Variants in ST6GALNAC1 observed in about 807,000 individuals in gnomAD.
ST6GALNAC1 encodes alpha-N-acetylgalactosaminide alpha-2,6-sialyltransferase 1.
Under a neutral mutation model 56.8 loss-of-function variants are expected in ST6GALNAC1, and 45 were observed. That is an observed-to-expected ratio of 0.79 (90% CI 0.62 to 1.02). ST6GALNAC1 has a LOEUF of 1.02. Among genes scored for constraint, ST6GALNAC1 ranks in the 50% least tolerant of loss-of-function variants. The pLI, the probability that ST6GALNAC1 is intolerant of heterozygous loss-of-function variation, is 0.00. For synonymous variants in ST6GALNAC1, 295 were observed against 297.8 expected (o/e 0.99, Z 0.10); for missense variants, 743 against 754.8 (o/e 0.98, Z 0.18).
Position 76,625,747 on chromosome 17 carries a change from A to G in ST6GALNAC1, c.1605+72T>C, listed in dbSNP as rs576130406. 7.5e-6 allele frequency: 10 copies of G among 1,337,616 alleles called. No homozygotes were observed. In the African/African-American group the frequency reaches 1.2e-4, roughly 16 times the overall value. 82.9% of individuals were successfully genotyped at this position (1,337,616 alleles called of 1,614,324 possible). ...GGGCACCCAGCCCATGCACTGTCCT[A>G]TGCTGAACAGGCCCAGGAATAGCCC... On this transcript the variant is annotated intron_variant, in intron 8 of 8. Coordinates refer to ENST00000156626, the MANE Select transcript of ST6GALNAC1 (RefSeq NM_018414.5).
intron 1 of ST6GALNAC1, among the ~76,000 whole-genome samples, chr17:76,642,546 A>G (rs1286311012): frequency 6.6e-6 from 1 of 152,176 alleles, no homozygotes; most frequent in African/African-American, 2.4e-5. Flanking sequence ...GTGGAGGTAT[A>G]ATAGGGAGAC....
chr17:76,630,934 G>A (rs1238019035), intron 1 of ST6GALNAC1, among the ~76,000 whole-genome samples: 2 of 134,392 alleles, frequency 1.5e-5, no homozygotes, highest in Non-Finnish European at 3.1e-5. Flanking sequence ...TTGCTCTGTC[G>A]CCCAGGTTGG....
intron 1 of ST6GALNAC1, among the ~76,000 whole-genome samples, chr17:76,635,592 G>T (rs749855936): frequency 1.3e-5 from 2 of 152,148 alleles, no homozygotes; most frequent in Non-Finnish European, 2.9e-5. Flanking sequence ...AGCAGGGATC[G>T]CATCACTGCA....
chr17:76,643,705 T>C lies in ST6GALNAC1; in HGVS notation c.-67A>G. The C allele has an allele frequency of 6.5e-7, 1 of 1,534,408 alleles. No individual in the cohort carries two copies. The highest frequency in any genetic ancestry group is 8.9e-7 in the Non-Finnish European group (1 of 1,119,778). Reference sequence around the variant, plus strand: ...GGGCCTTGATGTAGGCAGCTGGGAGTCTCACCGCTCAGGTTTCCTGGCCAG... The same window carrying C: ...GGGCCTTGATGTAGGCAGCTGGGAGCCTCACCGCTCAGGTTTCCTGGCCAG... On this transcript the variant is annotated 5_prime_UTR_variant, in exon 1 of 9. Transcript: ENST00000156626.
At position 76,627,308 on chromosome 17, in the gene ST6GALNAC1, C is replaced by A; in HGVS notation, c.1001-70G>T. 1 of 1,561,904 alleles carries A rather than the reference C, an allele frequency of 6.4e-7. No homozygotes were observed. The highest frequency in any genetic ancestry group is 1.8e-5 in the Admixed American group (1 of 54,598). On this transcript the variant is annotated intron_variant, in intron 3 of 8. Coordinates refer to ENST00000156626, the MANE Select transcript of ST6GALNAC1 (RefSeq NM_018414.5). This position sits in a 1 kb window ranked among gnomAD's most constrained non-coding sequence, Gnocchi z 4.4. ...CAGGAGTCCGACCCATCATTCCTCC[C>A]AGGTCTGGCAAACCCCAGGGAAGAG...
intron 4 of ST6GALNAC1, 90 bp from the exon 5 acceptor site, chr17:76,626,879 G>A: frequency 6.4e-7 from 1 of 1,554,098 alleles, no homozygotes. Context: ...AAATGGGGGA[G>A]GCAGCAGTTA....
intron 2 of ST6GALNAC1, 64 bp downstream of exon 2, chr17:76,628,948 G>A (rs1247752920): frequency 2.8e-6 from 4 of 1,437,738 alleles, no homozygotes; most frequent in Non-Finnish European, 3.8e-6. Context: ...GGTGGGCTGG[G>A]CTTCCTCTCA....
At chr17:76,638,737 G>C (rs970364541) in intron 1 of ST6GALNAC1, among the ~76,000 whole-genome samples, 1 of 152,046 alleles carries the variant, frequency 6.6e-6, no homozygotes, top group Non-Finnish European at 1.5e-5. Context: ...ACCGGACCAT[G>C]CCCGGCTAAT....
chr17:76,620,957 C>G (rs556838108), downstream of ST6GALNAC1, among the ~76,000 whole-genome samples: 62 of 152,088 alleles, frequency 4.1e-4, no homozygotes, highest in Non-Finnish European at 7.4e-4. Context: ...TGTCCTAAGG[C>G]TGCCTCTGTA....
downstream of ST6GALNAC1, among the ~76,000 whole-genome samples, chr17:76,623,592 T>C (rs2075761116): frequency 6.6e-6 from 1 of 152,210 alleles, no homozygotes; most frequent in Admixed American, 6.5e-5. Context: ...TTCTCTACAT[T>C]ACATCCTCTA....
chr17:76,629,600 T>C lies in ST6GALNAC1; in HGVS notation c.243A>G (p.Pro81=). The change falls in exon 2 of 9, where the codon CCA becomes CCG. Residue 81 remains proline (P), a synonymous_variant. Transcript: ENST00000156626. ...RRTTIYAEPV[P]ENNALNTQTQ... Reference sequence around the variant, plus strand: ...TTTGTGTGTTGAGGGCATTGTTCTCTGGCACTGGCTCTGCATAGATGGTTG... The same window carrying C: ...TTTGTGTGTTGAGGGCATTGTTCTCCGGCACTGGCTCTGCATAGATGGTTG... 3 of 1,613,736 alleles carry C rather than the reference T, an allele frequency of 1.9e-6. No individual in the cohort carries two copies. The highest frequency in any genetic ancestry group is 2.5e-6 in the Non-Finnish European group (3 of 1,179,754).
Position 76,631,233 on chromosome 17 carries a change from C to T in ST6GALNAC1, c.132-1522G>A, listed in dbSNP as rs182396236. 1.3e-3 allele frequency among the ~76,000 whole-genome samples: 205 copies of T among 152,248 alleles called. 1 individual carries two copies. Among genetic ancestry groups the T allele is most frequent in the Non-Finnish European group, 1.4e-3 (95 of 68,016 alleles). ...TGTTGGTATTAAAGGCGTGAGCCAC[C>T]GCGTCTGGCCTAAACACACACATTT... On this transcript the variant is annotated intron_variant, in intron 1 of 8. Transcript: ENST00000156626.
rs773475717 is a variant in ST6GALNAC1, at chr17:76,629,184, G to C, written c.659C>G (p.Thr220Ser). ...VSTRTRQKGVTTAVIPPKEKK... is the reference protein window; with the variant it reads ...VSTRTRQKGVSTAVIPPKEKK... Reference sequence around the variant, plus strand: ...CTCCTTAGGTGGGATGACTGCTGTGGTCACTCCTTTCTGTCTCGTCCTTGT... The same window carrying C: ...CTCCTTAGGTGGGATGACTGCTGTGCTCACTCCTTTCTGTCTCGTCCTTGT... The change falls in exon 2 of 9, where the codon ACC (threonine) becomes AGC (serine). Residue 220 changes from threonine to serine, a missense_variant. By Grantham distance (58) the Thr-to-Ser change is moderately conservative. Coordinates refer to ENST00000156626, the MANE Select transcript of ST6GALNAC1 (RefSeq NM_018414.5). 6.2e-7 allele frequency: 1 copy of C among 1,614,150 alleles called. No homozygotes were observed. The highest frequency in any genetic ancestry group is 8.5e-7 in the Non-Finnish European group (1 of 1,180,020).
Position 76,625,838 on chromosome 17 carries a change from G to T in ST6GALNAC1, c.1586C>A (p.Ala529Asp), listed in dbSNP as rs545202208. ...PTTGALLLLT[A>D]LQLCDQVSAY... is the part of the protein sequence containing the mutation. ...CCTTACCTGGTCACAGAGCTGAAGG[G>T]CAGTGAGCAGCAGGAGGGCCCCAGT... Residue 529 changes from alanine to aspartate, a missense_variant, in exon 8 of 9, where the codon GCC becomes GAC. Transcript: ENST00000156626. 7 of 1,540,112 alleles carry T rather than the reference G, an allele frequency of 4.5e-6. No individual in the cohort carries two copies. In the South Asian group the frequency reaches 6.4e-5, roughly 14 times the overall value.
At chr17:76,641,116 A>G (rs1405938871) in intron 1 of ST6GALNAC1, among the ~76,000 whole-genome samples, 1 of 152,190 alleles carries the variant, frequency 6.6e-6, no homozygotes, top group Non-Finnish European at 1.5e-5. Context: ...TTTTTCCTTG[A>G]AAAGTAAGAA....
At position 76,629,568 on chromosome 17, in the gene ST6GALNAC1, G is replaced by A. The variant is rs888720375; in HGVS notation, c.275C>T (p.Pro92Leu). ...TCTGTCTCCGGTGGTGTGGGCCTTG[G>A]GCTGGGTTTGTGTGTTGAGGGCATT... The part of the protein sequence containing the change: ...ENNALNTQTQ[P>L]KAHTTGDRGK... Residue 92 changes from proline to leucine, a missense_variant, in exon 2 of 9, where the codon CCC (proline) becomes CTC (leucine). Pro to Leu is a moderately conservative substitution (Grantham distance 98). Transcript: ENST00000156626. The A allele has an allele frequency of 6.2e-7, 1 of 1,613,814 alleles. No homozygotes were observed. The highest frequency in any genetic ancestry group is 8.5e-7 in the Non-Finnish European group (1 of 1,179,966).
intron 1 of ST6GALNAC1, among the ~76,000 whole-genome samples, chr17:76,638,501 A>T (rs1475360915): frequency 6.6e-6 from 1 of 151,804 alleles, no homozygotes; most frequent in Non-Finnish European, 1.5e-5. Context: ...GATAAAAGCG[A>T]TAATACTCAG....
intron 1 of ST6GALNAC1, chr17:76,633,892 G>A (rs1237460207): frequency 1.3e-5 from 2 of 152,094 alleles, no homozygotes; most frequent in Non-Finnish European, 2.9e-5. Flanking sequence ...GCCAGAGAGC[G>A]GTATTTTCCA....
At chr17:76,632,601 A>G (rs2075919099) in intron 1 of ST6GALNAC1, among the ~76,000 whole-genome samples, 3 of 152,198 alleles carry the variant, frequency 2.0e-5, no homozygotes, top group African/African-American at 7.2e-5. Context: ...TTAATTCCCT[A>G]TAATTAAATA....
Sources: allele counts gnomAD v4.1 joint callset (sites outside exome capture counted in the v4.1 genomes callset), GRCh38; gene constraint gnomAD v4.1.1; non-coding constraint Gnocchi (gnomAD v3.1); transcripts MANE v1.5; gene names NCBI Gene and HGNC (gene_info 2026-07-23, HGNC 2026-07-21).